Variants in PHF8 observed in about 807,000 individuals in gnomAD.
PHF8 encodes PHD finger protein 8, also known as histone lysine demethylase PHF8.
A neutral mutation model predicts 74.4 loss-of-function variants in PHF8; 9 were observed. The ratio of observed to expected loss-of-function variants is 0.12; its 90% confidence interval spans 0.07 to 0.21. The LOEUF (loss-of-function observed/expected upper bound fraction) is 0.21. Ranked by LOEUF, PHF8 falls within the 10% of genes least tolerant of loss-of-function variation. The pLI, the probability that PHF8 is intolerant of heterozygous loss-of-function variation, is 1.00. For synonymous variants in PHF8, 311 were observed against 316.6 expected (o/e 0.98, Z 0.19); for missense variants, 478 against 816.6 (o/e 0.59, Z 5.05).
intron 18 of PHF8, among the ~76,000 whole-genome samples, chrX:53,982,345 T>C (rs782204494): frequency 8.9e-6 from 1 of 112,944 alleles, no homozygotes; most frequent in Admixed American, 9.3e-5. Context: ...CATGGTATTG[T>C]CACAGGAATA....
chrX:54,024,898 A>T (rs1557111044), intron 2 of PHF8, among the ~76,000 whole-genome samples: 1 of 110,461 alleles, frequency 9.1e-6, no homozygotes, highest in African/African-American at 3.3e-5. Context: ...ATTTTTTGAG[A>T]CAGAGTCTCG....
At position 53,937,187 on chromosome X, in the gene PHF8, G is replaced by A. The variant is rs1557081912; in HGVS notation, c.*1971C>T. 9.0e-6 allele frequency: 1 copy of A among 111,278 alleles called. No individual in the cohort carries two copies. Among genetic ancestry groups the A allele is most frequent in the African/African-American group, 3.3e-5 (1 of 30,416 alleles). The allele number at this position is 111,278 out of a possible 1,213,427, so 9.2% of individuals were successfully genotyped here. ...AACAACACAAAACAACAAACAGGGG[G>A]CTCTAAGAACCCAACTAAGCTAAAT... On this transcript the variant is annotated 3_prime_UTR_variant, in exon 22 of 22. Coordinates refer to ENST00000338154, the MANE Select transcript of PHF8 (RefSeq NM_015107.3).
intron 5 of PHF8, 83 bp downstream of exon 5, chrX:54,017,578 G>A (rs185813890): frequency 2.3e-6 from 2 of 881,399 alleles, no homozygotes; most frequent in African/African-American, 1.9e-5. Flanking sequence ...CAGAGGAAAT[G>A]CAAAAACAGA....
intron 8 of PHF8, among the ~76,000 whole-genome samples, chrX:54,009,030 T>G (rs2049707850): frequency 9.1e-6 from 1 of 110,314 alleles, no homozygotes; most frequent in African/African-American, 3.3e-5. Flanking sequence ...ACACAAAAAT[T>G]AGCCGGGTGT....
At chrX:53,985,375 G>C in intron 17 of PHF8, 148 bp from the exon 18 acceptor site, 1 of 529,946 alleles carries the variant, frequency 1.9e-6, no homozygotes, top group South Asian at 2.9e-5. Flanking sequence ...GAAAAATTTG[G>C]AATTAAGTTT....
chrX:53,949,456 A>G (rs1313863885), intron 19 of PHF8, among the ~76,000 whole-genome samples: 1 of 111,971 alleles, frequency 8.9e-6, no homozygotes, highest in Non-Finnish European at 1.9e-5. Flanking sequence ...AGCCAATTAC[A>G]AAAGATATTT....
intron 18 of PHF8, among the ~76,000 whole-genome samples, chrX:53,972,344 A>G (rs371102433): frequency 4.3e-4 from 45 of 104,729 alleles, no homozygotes; most frequent in African/African-American, 1.6e-3. Context: ...AAAAAAAAAA[A>G]GAAAAAGAAA....
chrX:54,042,294 C>T (rs1366747082), intron 2 of PHF8, among the ~76,000 whole-genome samples: 10 of 97,658 alleles, frequency 1.0e-4, no homozygotes, highest in Non-Finnish European at 1.8e-4. Context: ...AGCGAAACTC[C>T]GTCTCGAAAA....
chrX:53,979,401 A>C (rs1235744017), intron 18 of PHF8, among the ~76,000 whole-genome samples: 1 of 111,792 alleles, frequency 8.9e-6, no homozygotes, highest in East Asian at 2.8e-4. Flanking sequence ...TAAATAAAAT[A>C]AAAATAAAAT....
At chrX:53,978,522 G>C (rs1300850032) in intron 18 of PHF8, among the ~76,000 whole-genome samples, 1 of 111,099 alleles carries the variant, frequency 9.0e-6, no homozygotes, top group Non-Finnish European at 1.9e-5. Context: ...TGGTGGGCCG[G>C]GTGCAGTGGC....
chrX:54,014,308 G>A (rs782341882), intron 7 of PHF8, 69 bp downstream of exon 7: 44 of 737,056 alleles, frequency 6.0e-5, no homozygotes, highest in Non-Finnish European at 8.8e-5. Context: ...AAATGTTTCT[G>A]TGCTGCCATG....
In PHF8 at chrX:54,008,371, C is replaced by CAA. The variant is rs34539175; in HGVS notation, c.946+2749_946+2750dup. Among the ~76,000 whole-genome samples the CAA allele has an allele frequency of 6.9e-3, 251 of 36,140 alleles. 3 individuals carry two copies. The highest frequency in any genetic ancestry group is 0.024 in the Middle Eastern group (1 of 42). The allele number at this position is 36,140 out of a possible 115,157, so 31.4% of individuals were successfully genotyped here. On this transcript the variant is annotated intron_variant, in intron 8 of 21. Coordinates refer to ENST00000338154, the MANE Select transcript of PHF8 (RefSeq NM_015107.3). Reference sequence around the variant, plus strand: ...GCCTGGCAACAGAGCAATACTCCGTCAAAAAAAAAAAAAAAAAAAAAAAGA... The same window carrying CAA: ...GCCTGGCAACAGAGCAATACTCCGTCAAAAAAAAAAAAAAAAAAAAAAAAAGA...
At position 53,938,157 on chromosome X, in the gene PHF8, G is replaced by A. The variant is rs925779580; in HGVS notation, c.*1001C>T. ...AAAGAAGCATGAAAAGTTCCCGATG[G>A]AGGACCCAGGTGTGGGCCGTCCCGC... is the stretch of plus-strand genomic sequence containing the variant. On this transcript the variant is annotated 3_prime_UTR_variant, in exon 22 of 22. Transcript: ENST00000338154. The A allele has an allele frequency of 8.0e-6, 9 of 1,123,504 alleles. No individual in the cohort carries two copies. The Admixed American group carries it at 2.2e-4, about 28-fold the overall frequency. 92.6% of individuals were successfully genotyped at this position (1,123,504 alleles called of 1,213,427 possible).
intron 8 of PHF8, among the ~76,000 whole-genome samples, chrX:54,009,844 GAAAAAAAAA>G (rs782363250): frequency 6.4e-4 from 6 of 9,384 alleles, no homozygotes; most frequent in Non-Finnish European, 1.4e-3. Flanking sequence ...CTCTGTCTCA[GAAAAAAAAA>G]AAAAAAAAAA....
chrX:53,966,726 C>T (rs1476759407), intron 18 of PHF8, among the ~76,000 whole-genome samples: 1 of 109,847 alleles, frequency 9.1e-6, no homozygotes, highest in South Asian at 4.0e-4. Context: ...CTCTGCCTGG[C>T]TGCCCAGTCT....
At chrX:53,986,909 G>A (rs1164828883) in intron 16 of PHF8, among the ~76,000 whole-genome samples, 169 bp downstream of exon 16, 2 of 111,685 alleles carry the variant, frequency 1.8e-5, no homozygotes, top group Non-Finnish European at 3.8e-5. Context: ...CTGGGCAACA[G>A]AGCGAGGAGA....
At chrX:53,990,066 G>C (rs1391228197) in intron 14 of PHF8, among the ~76,000 whole-genome samples, 15 of 111,974 alleles carry the variant, frequency 1.3e-4, no homozygotes, top group African/African-American at 4.2e-4. Context: ...GGTTGTGGTA[G>C]TGCATGTCTG....
At position 53,992,642 on chromosome X, in the gene PHF8, G is replaced by A. The variant is rs2065684211; in HGVS notation, c.1730+94C>T. ...CCTAAGTACAGTCCCTCCTACCCAT[G>A]TCCCAACCCCTAGATTCCAATTCCA... On this transcript the variant is annotated intron_variant, in intron 14 of 21. Coordinates refer to ENST00000338154, the MANE Select transcript of PHF8 (RefSeq NM_015107.3). 8 of 545,117 alleles carry A rather than the reference G, an allele frequency of 1.5e-5. No homozygotes were observed. The Admixed American group carries it at 1.8e-4, about 13-fold the overall frequency. The allele number at this position is 545,117 out of a possible 1,213,427, so 44.9% of individuals were successfully genotyped here. A position where few individuals can be genotyped will look rare whatever the true frequency, so the allele number is the denominator to read the frequency against.
chrX:53,939,130 A>C lies in PHF8; in HGVS notation c.*28T>G, dbSNP rs782747621. ...ACAATGGAGAAGGCAATGGGGGTAA[A>C]GGGGTGAGGGGTGGGACACAGGAGG... On this transcript the variant is annotated 3_prime_UTR_variant, in exon 22 of 22. Transcript: ENST00000338154. 6.7e-6 allele frequency: 8 copies of C among 1,202,128 alleles called. No individual in the cohort carries two copies. Among genetic ancestry groups the C allele is most frequent in the Non-Finnish European group, 9.0e-6 (8 of 888,850 alleles).
Sources: gnomAD v4.1 joint callset for allele counts (sites outside exome capture counted in the v4.1 genomes callset) on GRCh38, gnomAD v4.1.1 for gene constraint, MANE v1.5 for transcripts, NCBI Gene and HGNC (gene_info 2026-07-23, HGNC 2026-07-21) for gene names.